The following SQSTM1 variants were observed in gnomAD, a reference collection of about 807,000 sequenced individuals.
The protein encoded by SQSTM1 is sequestosome 1, also known as sequestosome-1.
In SQSTM1, 36 loss-of-function variants were observed where a neutral mutation model predicts 45.1. That is an observed-to-expected ratio of 0.80 (90% confidence interval 0.61 to 1.05). The LOEUF (loss-of-function observed/expected upper bound fraction) is 1.05, where lower values mean the gene tolerates loss of function less well. Ranked by LOEUF, SQSTM1 falls within the 50% of genes least tolerant of loss-of-function variation. The pLI, the probability that SQSTM1 is intolerant of heterozygous loss-of-function variation, is 0.00. For missense variants in SQSTM1, 617 were observed against 607.1 expected, an observed-to-expected ratio of 1.02 and a Z score of -0.17; for synonymous variants, 290 against 244.3, an observed-to-expected ratio of 1.19 and a Z score of -1.74.
rs763029496 is a variant in SQSTM1, at chr5:179,824,178, C to T, written c.532-4C>T. The stretch of plus-strand genomic sequence containing the variant: ...GCCTGCCGCTCTGCTAATTCCTCCC[C>T]CAGGGCTTCTCGCACAGCCGCTGGC... On this transcript the variant is annotated splice_polypyrimidine_tract_variant and splice_region_variant and intron_variant, in intron 3 of 7. Transcript: ENST00000389805. 6.2e-7 allele frequency: 1 copy of T among 1,613,800 alleles called. No homozygotes were observed. The highest frequency in any genetic ancestry group is 1.1e-5 in the South Asian group (1 of 91,092).
intron 5 of SQSTM1, among the ~76,000 whole-genome samples, chr5:179,829,147 A>G (rs1293102046): frequency 6.6e-6 from 1 of 152,232 alleles, no homozygotes. Context: ...TTCCAGGAGC[A>G]CCTGACCCAG....
At chr5:179,819,511 C>A (rs917232195), upstream of SQSTM1, among the ~76,000 whole-genome samples, 1 of 152,248 alleles carries the variant, frequency 6.6e-6, no homozygotes, top group Non-Finnish European at 1.5e-5. Context: ...CTGCTCAGAC[C>A]GGGCCATAGC....
intron 1 of SQSTM1, among the ~76,000 whole-genome samples, chr5:179,810,903 C>G (rs1757373977): frequency 6.6e-6 from 1 of 151,544 alleles, no homozygotes; most frequent in African/African-American, 2.4e-5. Context: ...TGCGGGCCAA[C>G]AATTTTTTTA....
At chr5:179,828,206 C>CT (rs1423176435) in intron 5 of SQSTM1, among the ~76,000 whole-genome samples, 1 of 152,172 alleles carries the variant, frequency 6.6e-6, no homozygotes. Flanking sequence ...GCCTGAAAAT[C>CT]TCACGCTTTC....
At chr5:179,823,816 TA>T in intron 2 of SQSTM1, 41 bp from the exon 3 acceptor site, 4 of 1,597,396 alleles carry the variant, frequency 2.5e-6, no homozygotes, top group Non-Finnish European at 3.4e-6. Flanking sequence ...GGGAGGACTT[TA>T]GGGGGTCCCA....
In SQSTM1 at chr5:179,837,659, C is replaced by T. The variant is rs761182927; in HGVS notation, c.*1066C>T. ...CTTAGCCTGTGCTGGACCAGCTGGC[C>T]TGGGGTCCCTCTGAAGAGACCTTGG... On this transcript the variant is annotated 3_prime_UTR_variant, in exon 8 of 8. Coordinates refer to ENST00000389805, the MANE Select transcript of SQSTM1 (RefSeq NM_003900.5). The T allele has an allele frequency of 6.2e-7, 1 of 1,614,220 alleles. No homozygotes were observed. The highest frequency in any genetic ancestry group is 1.7e-5 in the Admixed American group (1 of 60,038).
In SQSTM1 at chr5:179,821,065, C is replaced by T. The variant is rs758136511; in HGVS notation, c.129C>T (p.Pro43=). The T allele has an allele frequency of 2.0e-6, 3 of 1,488,536 alleles. No individual in the cohort carries two copies. Among genetic ancestry groups the T allele is most frequent in the Non-Finnish European group, 2.7e-6 (3 of 1,123,362 alleles). 92.2% of individuals were successfully genotyped at this position (1,488,536 alleles called of 1,614,324 possible). ...CCGAGGCTGCGGCGGGTCCGGGACC[C>T]TGCGAGCGGCTGCTGAGCCGGGTGG... is the stretch of plus-strand genomic sequence containing the variant. ...AEAEAAAGPG[P]CERLLSRVAA... The change falls in exon 1 of 8, where the codon CCC becomes CCT. Residue 43 remains proline (P), a synonymous_variant. Coordinates refer to ENST00000389805, the MANE Select transcript of SQSTM1 (RefSeq NM_003900.5).
At chr5:179,831,428 A>C (rs187994714) in intron 5 of SQSTM1, among the ~76,000 whole-genome samples, 3 of 152,300 alleles carry the variant, frequency 2.0e-5, no homozygotes, top group East Asian at 1.9e-4. Flanking sequence ...TTGGGAGGCC[A>C]AGGCAGGCAG....
Position 179,806,961 on chromosome 5 carries a change from C to T in SQSTM1, c.-157+370C>T, listed in dbSNP as rs1038363603. On this transcript the variant is annotated intron_variant, in intron 1 of 5. Transcript: ENST00000514093. The surrounding 1 kb of genome is among the most constrained non-coding windows in gnomAD (Gnocchi z 4.6). The stretch of plus-strand genomic sequence containing the variant: ...CCCGGCCTGGATCTGGGGCCTGGAT[C>T]TGGGGCCGCCGCGGAGTCGACGGCG... 4.0e-5 allele frequency: 6 copies of T among 150,398 alleles called. No individual in the cohort carries two copies. The highest frequency in any genetic ancestry group is 8.9e-5 in the Non-Finnish European group (6 of 67,492). 9.3% of individuals were successfully genotyped at this position (150,398 alleles called of 1,614,324 possible).
upstream of SQSTM1, among the ~76,000 whole-genome samples, chr5:179,816,420 A>G (rs1198033707): frequency 6.6e-6 from 1 of 152,096 alleles, no homozygotes; most frequent in Non-Finnish European, 1.5e-5. Context: ...TGCTGGGACT[A>G]CAGGTGTGAG....
chr5:179,827,105 T>C (rs549582936), intron 5 of SQSTM1, among the ~76,000 whole-genome samples: 4 of 152,286 alleles, frequency 2.6e-5, no homozygotes, highest in Middle Eastern at 6.8e-3. Context: ...GTAGAGACTT[T>C]TAAAACAGTG....
At position 179,836,738 on chromosome 5, in the gene SQSTM1, GCAAAA is replaced by G; in HGVS notation, c.*149_*153del. The G allele has an allele frequency of 8.0e-7, 1 of 1,243,724 alleles. No individual in the cohort carries two copies. The highest frequency in any genetic ancestry group is 1.2e-6 in the Non-Finnish European group (1 of 854,336). The allele number at this position is 1,243,724 out of a possible 1,614,324, so 77.0% of individuals were successfully genotyped here. On this transcript the variant is annotated 3_prime_UTR_variant, in exon 8 of 8. Coordinates refer to ENST00000389805, the MANE Select transcript of SQSTM1 (RefSeq NM_003900.5). ...AGGGTGCAAGAAGCCATTTAGGGCA[GCAAAA>G]CAAGTGACATGAAGGGAGGGTCCCT...
chr5:179,832,859 A>G (rs1001769941), intron 5 of SQSTM1, among the ~76,000 whole-genome samples, 173 bp from the exon 6 acceptor site: 4 of 152,114 alleles, frequency 2.6e-5, no homozygotes, highest in African/African-American at 9.7e-5. Flanking sequence ...CGAGCTGGGT[A>G]GAACCTAGCA....
intron 5 of SQSTM1, among the ~76,000 whole-genome samples, chr5:179,829,685 TTTTTTATCTTTCCTCTCCTC>T (rs1169945254): frequency 4.6e-5 from 1 of 21,710 alleles, no homozygotes; most frequent in Non-Finnish European, 6.7e-5. Context: ...TAGAGATAGT[TTTTTTATCTTTCCTCTCCTC>T]CTAATGTAGG....
Position 179,837,528 on chromosome 5 carries a change from G to A in SQSTM1, c.*935G>A. On this transcript the variant is annotated 3_prime_UTR_variant, in exon 8 of 8. Coordinates refer to ENST00000389805, the MANE Select transcript of SQSTM1 (RefSeq NM_003900.5). ...GCGTCCCATGAGGTCTTCCCGCAAG[G>A]CCTCTCAGACCCAGATGTGACGGGG... The A allele has an allele frequency of 1.2e-6, 2 of 1,614,212 alleles. No individual in the cohort carries two copies. Among genetic ancestry groups the A allele is most frequent in the East Asian group, 2.2e-5 (1 of 44,890 alleles).
chr5:179,824,941 A>G (rs1757932850), intron 4 of SQSTM1, among the ~76,000 whole-genome samples: 1 of 151,802 alleles, frequency 6.6e-6, no homozygotes, highest in African/African-American at 2.4e-5. Context: ...GGGAGATGGC[A>G]CGGGAGAGTG....
Position 179,837,424 on chromosome 5 carries a change from A to G in SQSTM1, c.*831A>G, listed in dbSNP as rs781266614. 6.2e-7 allele frequency: 1 copy of G among 1,603,870 alleles called. No individual in the cohort carries two copies. The highest frequency in any genetic ancestry group is 1.3e-5 in the African/African-American group (1 of 74,546). On this transcript the variant is annotated 3_prime_UTR_variant, in exon 8 of 8. Coordinates refer to ENST00000389805, the MANE Select transcript of SQSTM1 (RefSeq NM_003900.5). Reference sequence around the variant, plus strand: ...CATCATCGAAGTCTTCCCCAGTTATAAAGAGGTCACATAGTCGTGTGGGTC... The same window carrying G: ...CATCATCGAAGTCTTCCCCAGTTATGAAGAGGTCACATAGTCGTGTGGGTC...
chr5:179,811,102 G>A (rs965539528), intron 1 of SQSTM1, among the ~76,000 whole-genome samples: 4 of 151,936 alleles, frequency 2.6e-5, no homozygotes, highest in African/African-American at 4.8e-5. Flanking sequence ...GAGTGGTGGC[G>A]GGCACCTGTA....
chr5:179,835,050 G>A (rs982047527), intron 7 of SQSTM1: 5 of 214,208 alleles, frequency 2.3e-5, no homozygotes, highest in Admixed American at 5.8e-5. Flanking sequence ...CTTCTCAGAC[G>A]GGGCGGCCGG....
Sources: allele counts gnomAD v4.1 joint callset (sites outside exome capture counted in the v4.1 genomes callset), GRCh38; gene constraint gnomAD v4.1.1; non-coding constraint Gnocchi (gnomAD v3.1); transcripts MANE v1.5; gene names NCBI Gene and HGNC (gene_info 2026-07-23, HGNC 2026-07-21).